RTN3: variants seen among roughly 807,000 people sequenced by gnomAD.
RTN3 encodes reticulon-3.
A neutral mutation model predicts 77.8 loss-of-function variants in RTN3; 49 were observed. The observed-to-expected ratio is 0.63, with a 90% CI of 0.50 to 0.80. The LOEUF (loss-of-function observed/expected upper bound fraction) is 0.80, where lower values mean the gene tolerates loss of function less well. RTN3 is among the 30% of genes least tolerant of loss of function. The pLI, the probability that RTN3 is intolerant of heterozygous loss-of-function variation, is 0.00. For synonymous variants in RTN3, 464 were observed against 446.9 expected (o/e 1.04, Z -0.48); for missense variants, 1,236 against 1,211.9 (o/e 1.02, Z -0.29).
intron 3 of RTN3, among the ~76,000 whole-genome samples, chr11:63,731,103 C>CA (rs2012661529): frequency 6.6e-6 from 1 of 151,716 alleles, no homozygotes; most frequent in South Asian, 2.1e-4. Context: ...TTATTGGAGA[C>CA]ACAGTTTCAC....
chr11:63,707,643 A>G (rs921382660), intron 2 of RTN3, among the ~76,000 whole-genome samples: 3 of 152,060 alleles, frequency 2.0e-5, no homozygotes, highest in Non-Finnish European at 4.4e-5. Flanking sequence ...AGACCAGCCT[A>G]GCCAACATGG....
Position 63,720,454 on chromosome 11 carries a change from C to T in RTN3, c.1952C>T (p.Pro651Leu). 6.2e-7 allele frequency: 1 copy of T among 1,613,038 alleles called. No homozygotes were observed. The highest frequency in any genetic ancestry group is 8.5e-7 in the Non-Finnish European group (1 of 1,179,414). ...GTTAAACATATAGATGATTCCTCCC[C>T]AGAGGACCTGATAGCAGCCTTTACA... Reference protein sequence around the residue: ...KNVKHIDDSSPEDLIAAFTET... With the variant: ...KNVKHIDDSSLEDLIAAFTET... Residue 651 changes from proline to leucine, a missense_variant, in exon 3 of 9, where the codon CCA (proline) becomes CTA (leucine). Coordinates refer to ENST00000377819, the MANE Select transcript of RTN3 (RefSeq NM_001265589.2).
At position 63,751,021 on chromosome 11, in the gene RTN3, C is replaced by T. The variant is rs190488111; in HGVS notation, c.2738+823C>T. Among the ~76,000 whole-genome samples, 16 of 152,256 alleles carry T rather than the reference C, an allele frequency of 1.1e-4. No homozygotes were observed. The East Asian group carries it at 3.1e-3, about 29-fold the overall frequency. The stretch of plus-strand genomic sequence containing the variant: ...TGCTGGGATTACAGGCGTGAGCCAC[C>T]GCTCCCGACCATAATGTTTGTATTT... On this transcript the variant is annotated intron_variant, in intron 4 of 8. Transcript: ENST00000377819.
intron 3 of RTN3, among the ~76,000 whole-genome samples, chr11:63,743,242 A>G (rs576002276): frequency 1.8e-4 from 28 of 152,222 alleles, no homozygotes; most frequent in South Asian, 6.2e-4. Flanking sequence ...CCTTTAATAC[A>G]GTGTTAAACA....
Position 63,720,885 on chromosome 11 carries a change from C to A in RTN3, c.2383C>A (p.Arg795Ser), listed in dbSNP as rs201862583. The part of the protein sequence containing the change: ...WPQRSYDILE[R>S]NVKNGSDLGI... ...ACAGAGATCATATGACATCCTAGAA[C>A]GTAATGTCAAGAATGGATCTGATCT... The change falls in exon 3 of 9, where the codon CGT becomes AGT. Residue 795 changes from arginine to serine, a missense_variant. Around this residue, in one of 3 missense-constraint regions of RTN3, gnomAD observed 1,056 missense variants for 990.4 expected, o/e 1.07. Transcript: ENST00000377819. 1 of 1,614,032 alleles carries A rather than the reference C, an allele frequency of 6.2e-7. No individual in the cohort carries two copies. The highest frequency in any genetic ancestry group is 1.7e-5 in the Admixed American group (1 of 60,012).
chr11:63,750,269 A>C, intron 4 of RTN3, 71 bp downstream of exon 4: 1 of 1,269,330 alleles, frequency 7.9e-7, no homozygotes, highest in South Asian at 1.3e-5. Flanking sequence ...TAGGTCTAAA[A>C]CTCAGACCTG....
chr11:63,720,001 C>G lies in RTN3; in HGVS notation c.1499C>G (p.Ser500Cys). 2 of 1,614,110 alleles carry G rather than the reference C, an allele frequency of 1.2e-6. No individual in the cohort carries two copies. Among genetic ancestry groups the G allele is most frequent in the Non-Finnish European group, 1.7e-6 (2 of 1,180,030 alleles). Residue 500 changes from serine to cysteine, a missense_variant, in exon 3 of 9, where the codon TCT becomes TGT. Coordinates refer to ENST00000377819, the MANE Select transcript of RTN3 (RefSeq NM_001265589.2). ...ACAGAAGCTGATAGTTCTGGTGAGT[C>G]TGATGACACAGTAATAGAGGACATC... ...EITEADSSGE[S>C]DDTVIEDITA...
chr11:63,752,613 T>C lies in RTN3; in HGVS notation c.2845T>C (p.Phe949Leu). 6.2e-7 allele frequency: 1 copy of C among 1,614,152 alleles called. No individual in the cohort carries two copies. The highest frequency in any genetic ancestry group is 2.2e-5 in the East Asian group (1 of 44,886). ...GGCCCTGAAACTCATTATTCGTCTC[T>C]TTCTGGTAGAAGATCTGGTTGACTC... is the stretch of plus-strand genomic sequence containing the variant. Reference protein sequence around the residue: ...NRALKLIIRLFLVEDLVDSLK... With the variant: ...NRALKLIIRLLLVEDLVDSLK... Residue 949 changes from phenylalanine to leucine, a missense_variant, in exon 5 of 9, where the codon TTT becomes CTT. Coordinates refer to ENST00000377819, the MANE Select transcript of RTN3 (RefSeq NM_001265589.2).
chr11:63,722,270 G>A (rs2011875160), intron 3 of RTN3, among the ~76,000 whole-genome samples: 1 of 152,154 alleles, frequency 6.6e-6, no homozygotes, highest in African/African-American at 2.4e-5. Context: ...CATACACAGA[G>A]TTGTAGTATT....
At chr11:63,743,274 TC>T (rs2013594582) in intron 3 of RTN3, among the ~76,000 whole-genome samples, 1 of 152,212 alleles carries the variant, frequency 6.6e-6, no homozygotes, top group Admixed American at 6.5e-5. Flanking sequence ...AGAGAGAACT[TC>T]TTGCCTTCTT....
intron 1 of RTN3, among the ~76,000 whole-genome samples, chr11:63,682,458 T>C (rs996303648): frequency 1.3e-5 from 2 of 152,016 alleles, no homozygotes; most frequent in African/African-American, 4.8e-5. Context: ...CTGCTAATGG[T>C]CCAAGATGGA....
chr11:63,688,161 G>T (rs1941467736), intron 1 of RTN3, among the ~76,000 whole-genome samples: 1 of 152,026 alleles, frequency 6.6e-6, no homozygotes, highest in Non-Finnish European at 1.5e-5. Flanking sequence ...ATGTCAATAT[G>T]GCCTGCAAAT....
chr11:63,711,783 C>G (rs973926966), intron 2 of RTN3, among the ~76,000 whole-genome samples: 2 of 152,100 alleles, frequency 1.3e-5, no homozygotes, highest in South Asian at 2.1e-4. Context: ...AGGCTGGTCT[C>G]GAGATCCCAA....
chr11:63,719,763 G>C lies in RTN3; in HGVS notation c.1261G>C (p.Val421Leu), dbSNP rs2011621484. 6.2e-7 allele frequency: 1 copy of C among 1,614,148 alleles called. No homozygotes were observed. The highest frequency in any genetic ancestry group is 1.7e-5 in the Admixed American group (1 of 60,016). Residue 421 changes from valine (V) to leucine (L), a missense_variant, in exon 3 of 9, where the codon GTA (valine) becomes CTA (leucine). By Grantham distance (32) the Val-to-Leu change is conservative (BLOSUM62 1). Coordinates refer to ENST00000377819, the MANE Select transcript of RTN3 (RefSeq NM_001265589.2). Reference sequence around the variant, plus strand: ...AGAAAATGCTATTACTGGAAAACCTGTACCTGACTCTTTGAATTCCACAAA... The same window carrying C: ...AGAAAATGCTATTACTGGAAAACCTCTACCTGACTCTTTGAATTCCACAAA... ...QQENAITGKPVPDSLNSTKEF... is the reference protein window; with the variant it reads ...QQENAITGKPLPDSLNSTKEF...
chr11:63,728,886 C>CA (rs577443067), intron 3 of RTN3, among the ~76,000 whole-genome samples: 6,428 of 78,116 alleles, frequency 0.082, 249 homozygotes, highest in African/African-American at 0.16. Flanking sequence ...GACTCCGTCT[C>CA]AAAAAAAAAA....
At chr11:63,707,479 CA>C (rs911454937) in intron 2 of RTN3, among the ~76,000 whole-genome samples, 5 of 151,802 alleles carry the variant, frequency 3.3e-5, no homozygotes, top group Non-Finnish European at 5.9e-5. Flanking sequence ...TTTTTGCCTA[CA>C]AAAAAAATTT....
chr11:63,694,421 C>T (rs775070026), intron 1 of RTN3, among the ~76,000 whole-genome samples: 3 of 152,090 alleles, frequency 2.0e-5, no homozygotes, highest in Non-Finnish European at 2.9e-5. Flanking sequence ...GGTGATCTTC[C>T]TGCTTTGGCC....
intron 1 of RTN3, among the ~76,000 whole-genome samples, chr11:63,684,575 G>C (rs1390279145): frequency 6.6e-6 from 1 of 151,966 alleles, no homozygotes; most frequent in Non-Finnish European, 1.5e-5. Flanking sequence ...TTACAGATGG[G>C]AGCCACTGTG....
At chr11:63,696,424 G>A (rs1273193431) in intron 1 of RTN3, among the ~76,000 whole-genome samples, 1 of 151,796 alleles carries the variant, frequency 6.6e-6, no homozygotes, top group Non-Finnish European at 1.5e-5. Context: ...ATATTGTGAT[G>A]AAGCCAGGTG....
Sources: gnomAD v4.1 joint callset for allele counts (sites outside exome capture counted in the v4.1 genomes callset) on GRCh38, gnomAD v4.1.1 for gene constraint, gnomAD v4.1.1 regional missense constraint, MANE v1.5 for transcripts, NCBI Gene and HGNC (gene_info 2026-07-23, HGNC 2026-07-21) for gene names.